Variants in RANBP2 observed in about 807,000 individuals in gnomAD.
RANBP2 encodes E3 SUMO-protein ligase RanBP2.
Under a neutral mutation model 303.6 loss-of-function variants are expected in RANBP2, and 57 were observed. The observed-to-expected ratio is 0.19, with a 90% CI of 0.15 to 0.23. RANBP2 has a LOEUF of 0.23. Among genes scored for constraint, RANBP2 ranks in the 10% least tolerant of loss-of-function variants. RANBP2 has a pLI of 1.00. For synonymous variants in RANBP2, 1,167 were observed against 1,301.5 expected (o/e 0.90, Z 2.23); for missense variants, 3,138 against 3,780.8 (o/e 0.83, Z 4.46).
chr2:108,976,653 CA>C, the RANBP2 span, among the ~76,000 whole-genome samples: 3 of 152,196 alleles, frequency 2.0e-5, no homozygotes, highest in Admixed American at 2.0e-4. Context: ...ATTTATTTGT[CA>C]GTGTGAACAC....
At chr2:109,094,230 G>A in the RANBP2 span, among the ~76,000 whole-genome samples, 2 of 152,282 alleles carry the variant, frequency 1.3e-5, no homozygotes, top group East Asian at 3.9e-4. Flanking sequence ...TACATAATGG[G>A]CTGATTGGCT....
chr2:109,198,961 A>G, the RANBP2 span, among the ~76,000 whole-genome samples: 1 of 152,196 alleles, frequency 6.6e-6, no homozygotes, highest in Non-Finnish European at 1.5e-5. Context: ...ACCCCATGGT[A>G]TATGCAGTCA....
chr2:109,299,653 C>A, the RANBP2 span, among the ~76,000 whole-genome samples: 1 of 152,132 alleles, frequency 6.6e-6, no homozygotes, highest in African/African-American at 2.4e-5. Context: ...CTTCCTTTGC[C>A]CTGTACTTGC....
chr2:108,872,732 G>A, the RANBP2 span, among the ~76,000 whole-genome samples: 71 of 152,176 alleles, frequency 4.7e-4, 1 homozygote, highest in Middle Eastern at 6.8e-3. Context: ...CTTCTTAAAG[G>A]TCCCCACTCT....
At chr2:109,597,841 T>C in the RANBP2 span, among the ~76,000 whole-genome samples, 2 of 152,216 alleles carry the variant, frequency 1.3e-5, no homozygotes, top group African/African-American at 4.8e-5. Flanking sequence ...ATACAGGCAA[T>C]GTGACAGACA....
At chr2:109,615,004 C>G in the RANBP2 span, 18 of 1,544,230 alleles carry the variant, frequency 1.2e-5, no homozygotes, top group Middle Eastern at 2.0e-4. Flanking sequence ...GCCCCGGGGC[C>G]CAGCGAGGAC....
At chr2:108,812,827 AC>A in the RANBP2 span, 3 of 1,612,976 alleles carry the variant, frequency 1.9e-6, no homozygotes, top group Non-Finnish European at 1.7e-6. Flanking sequence ...CAGAGGAAGT[AC>A]GAGTTTATGA....
Position 108,735,688 on chromosome 2 carries a change from T to C in RANBP2, c.562T>C (p.Cys188Arg). 1 of 1,597,604 alleles carries C rather than the reference T, an allele frequency of 6.3e-7. No individual in the cohort carries two copies. The highest frequency in any genetic ancestry group is 8.5e-7 in the Non-Finnish European group (1 of 1,179,796). ...TKRLKDAVAH[C>R]HEAERNIALR... Reference sequence around the variant, plus strand: ...AAGATTGAAGGATGCTGTGGCCCACTGCCATGAGGCAGAGAGGAACATAGC... The same window carrying C: ...AAGATTGAAGGATGCTGTGGCCCACCGCCATGAGGCAGAGAGGAACATAGC... The change falls in exon 5 of 29, where the codon TGC becomes CGC. Residue 188 changes from cysteine to arginine, a missense_variant. Transcript: ENST00000283195.
chr2:109,353,452 A>G, the RANBP2 span, among the ~76,000 whole-genome samples: 3 of 152,198 alleles, frequency 2.0e-5, no homozygotes, highest in African/African-American at 7.2e-5. Context: ...AGGTGTTCAT[A>G]GTCACGTGAC....
At chr2:109,516,799 G>A in the RANBP2 span, among the ~76,000 whole-genome samples, 4 of 152,200 alleles carry the variant, frequency 2.6e-5, no homozygotes, top group African/African-American at 4.8e-5. Flanking sequence ...TCTGCTAAAC[G>A]ATGGCTGCAT....
At chr2:108,976,671 A>G in the RANBP2 span, among the ~76,000 whole-genome samples, 1 of 151,998 alleles carries the variant, frequency 6.6e-6, no homozygotes, top group East Asian at 1.9e-4. Context: ...ACACATGGGT[A>G]TTTATTTTAA....
At chr2:109,723,137 T>C in the RANBP2 span, among the ~76,000 whole-genome samples, 1 of 152,180 alleles carries the variant, frequency 6.6e-6, no homozygotes, top group South Asian at 2.1e-4. Context: ...GTTGTTATTA[T>C]TGGCATTCTT....
the RANBP2 span, among the ~76,000 whole-genome samples, chr2:108,870,340 G>C: frequency 3.3e-5 from 5 of 152,270 alleles, no homozygotes; most frequent in African/African-American, 1.2e-4. Flanking sequence ...AAAAAGAAAA[G>C]TGAACAGAGT....
chr2:109,577,639 A>G, the RANBP2 span, among the ~76,000 whole-genome samples: 6 of 151,402 alleles, frequency 4.0e-5, 1 homozygote, highest in African/African-American at 1.5e-4. Context: ...ACTCGGTCGG[A>G]TAGTGGCTCA....
the RANBP2 span, among the ~76,000 whole-genome samples, chr2:109,589,425 C>T: frequency 2.0e-5 from 3 of 151,860 alleles, no homozygotes; most frequent in East Asian, 1.9e-4. Context: ...CCAGCTACTC[C>T]GGAGGCTACA....
At chr2:109,585,697 A>C in the RANBP2 span, 1 of 1,475,340 alleles carries the variant, frequency 6.8e-7, no homozygotes, top group Admixed American at 1.7e-5. Context: ...GGAACAACTT[A>C]GAGGAAGAGT....
At chr2:109,734,178 CA>C in the RANBP2 span, among the ~76,000 whole-genome samples, 15 of 135,342 alleles carry the variant, frequency 1.1e-4, no homozygotes, top group African/African-American at 1.7e-4. Flanking sequence ...GACTCCACCT[CA>C]AAAAAAAAAA....
At chr2:109,098,211 C>T in the RANBP2 span, among the ~76,000 whole-genome samples, 1 of 152,192 alleles carries the variant, frequency 6.6e-6, no homozygotes, top group African/African-American at 2.4e-5. Context: ...CACACTAAGC[C>T]TTGTTGGGCA....
At chr2:108,861,464 C>G in the RANBP2 span, among the ~76,000 whole-genome samples, 1 of 127,716 alleles carries the variant, frequency 7.8e-6, no homozygotes. Context: ...GCACTATAAA[C>G]TTTCTTCCTT....
Sources: allele counts gnomAD v4.1 joint callset (sites outside exome capture counted in the v4.1 genomes callset), GRCh38; gene constraint gnomAD v4.1.1; transcripts MANE v1.5; gene names NCBI Gene and HGNC (gene_info 2026-07-23, HGNC 2026-07-21).